Variants in ALMS1 observed in about 807,000 individuals in gnomAD.
ALMS1 encodes centrosome-associated protein ALMS1.
In ALMS1, 271 loss-of-function variants were observed where a neutral mutation model predicts 352.2. That is an observed-to-expected ratio of 0.77 (90% CI 0.70 to 0.85). The LOEUF (loss-of-function observed/expected upper bound fraction) is 0.85, where lower values mean the gene tolerates loss of function less well. Ranked by LOEUF, ALMS1 falls within the 40% of genes least tolerant of loss-of-function variation. The pLI is 0.00. For synonymous variants in ALMS1, 1,865 were observed against 1,761.2 expected, an observed-to-expected ratio of 1.06 and a Z score of -1.48; for missense variants, 5,445 against 4,870.7, an observed-to-expected ratio of 1.12 and a Z score of -3.51.
In ALMS1 at chr2:73,602,167, CTT is replaced by C. The variant is rs748193431; in HGVS notation, c.12115-9_12115-8del. 2.7e-6 allele frequency: 4 copies of C among 1,461,938 alleles called. No homozygotes were observed. Among genetic ancestry groups the C allele is most frequent in the Admixed American group, 1.8e-5 (1 of 55,714 alleles). 90.6% of individuals were successfully genotyped at this position (1,461,938 alleles called of 1,614,324 possible). On this transcript the variant is annotated splice_polypyrimidine_tract_variant and intron_variant, in intron 19 of 22. Transcript: ENST00000613296. ...ATTAATCTGAGGCTGGGCATTTTCT[CTT>C]TTTTTTTTCTTTTAGGAATCGCTTC... is the stretch of plus-strand genomic sequence containing the variant.
intron 7 of ALMS1, among the ~76,000 whole-genome samples, chr2:73,438,083 A>T (rs555945126): frequency 6.6e-6 from 1 of 152,206 alleles, no homozygotes; most frequent in African/African-American, 2.4e-5. Flanking sequence ...AGTATATGTG[A>T]CTAATAAACT....
chr2:73,468,238 T>C (rs1041946691), intron 9 of ALMS1, among the ~76,000 whole-genome samples: 2 of 151,910 alleles, frequency 1.3e-5, no homozygotes, highest in African/African-American at 2.4e-5. Flanking sequence ...TATTGGAGAA[T>C]AGTAAAATTT....
chr2:73,423,011 C>T (rs755817920), intron 4 of ALMS1, 37 bp downstream of exon 4: 5 of 1,530,310 alleles, frequency 3.3e-6, no homozygotes, highest in Non-Finnish European at 4.5e-6. Flanking sequence ...TTTCTCACTT[C>T]TTGTTCTATG....
chr2:73,556,251 T>C (rs943711563), intron 13 of ALMS1, among the ~76,000 whole-genome samples: 2 of 152,082 alleles, frequency 1.3e-5, no homozygotes, highest in Non-Finnish European at 2.9e-5. Flanking sequence ...ATTAGGAGGA[T>C]TGAAGTAATA....
upstream of ALMS1, chr2:73,385,788 A>G (rs1670501086): frequency 3.2e-6 from 2 of 619,806 alleles, no homozygotes; most frequent in South Asian, 1.8e-5. Context: ...AAGCTGGGCC[A>G]CAACCGCCAG....
At chr2:73,437,290 C>T (rs529931654) in intron 7 of ALMS1, among the ~76,000 whole-genome samples, 1 of 152,104 alleles carries the variant, frequency 6.6e-6, no homozygotes, top group Non-Finnish European at 1.5e-5. Flanking sequence ...AATAACACAC[C>T]CCTTCTCTAT....
chr2:73,497,333 G>A (rs1412231798), intron 10 of ALMS1, among the ~76,000 whole-genome samples: 2 of 151,730 alleles, frequency 1.3e-5, no homozygotes, highest in Admixed American at 6.6e-5. Flanking sequence ...TGGGATAAAG[G>A]TTGTTTTGGT....
At chr2:73,465,483 TAATTC>T (rs1313694851) in intron 9 of ALMS1, among the ~76,000 whole-genome samples, 1 of 152,132 alleles carries the variant, frequency 6.6e-6, no homozygotes, top group African/African-American at 2.4e-5. Flanking sequence ...ATACAAAAAT[TAATTC>T]AAGATGGATT....
At position 73,488,680 on chromosome 2, in the gene ALMS1, G is replaced by A. The variant is rs199916979; in HGVS notation, c.7675-954G>A. ...CAGCAGCCACTCCAGATGGGATGCC[G>A]CTGCCATCAAAAATATATCTACTCC... On this transcript the variant is annotated intron_variant, in intron 9 of 22. Transcript: ENST00000613296. Among the ~76,000 whole-genome samples, 159 of 152,292 alleles carry A rather than the reference G, an allele frequency of 1.0e-3. 1 individual carries two copies. The highest frequency in any genetic ancestry group is 1.7e-3 in the Non-Finnish European group (115 of 68,022).
At chr2:73,514,026 G>C (rs1217696017) in intron 10 of ALMS1, among the ~76,000 whole-genome samples, 1 of 152,060 alleles carries the variant, frequency 6.6e-6, no homozygotes, top group Non-Finnish European at 1.5e-5. Context: ...CACAGGAGAG[G>C]GGAAAGAGAA....
chr2:73,484,172 T>A (rs1228955334), intron 9 of ALMS1, among the ~76,000 whole-genome samples: 1 of 151,804 alleles, frequency 6.6e-6, no homozygotes, highest in South Asian at 2.1e-4. Context: ...CTAGTCTTGA[T>A]GGTCTTTACA....
intron 7 of ALMS1, among the ~76,000 whole-genome samples, chr2:73,442,946 A>C (rs975892995): frequency 2.6e-5 from 4 of 152,076 alleles, no homozygotes; most frequent in Admixed American, 6.5e-5. Context: ...TTCCTTCTCT[A>C]TTTCTTCTCA....
At chr2:73,590,359 C>T (rs1263825506) in intron 16 of ALMS1, among the ~76,000 whole-genome samples, 1 of 152,064 alleles carries the variant, frequency 6.6e-6, no homozygotes, top group Non-Finnish European at 1.5e-5. Flanking sequence ...GTTCCAAATA[C>T]CCATGGAATA....
chr2:73,600,776 A>G lies in ALMS1; in HGVS notation c.11767A>G (p.Ser3923Gly), dbSNP rs754540539. 2.5e-6 allele frequency: 4 copies of G among 1,614,230 alleles called. No individual in the cohort carries two copies. In the Admixed American group the frequency reaches 5.0e-5, roughly 20 times the overall value. ...CAGCGAGGCTAAATTGGAAGAGAAC[A>G]GTGATGTGACTTCTTGGTCAGAAGA... is the stretch of plus-strand genomic sequence containing the variant. ...SSSEAKLEENSDVTSWSEEKR... is the reference protein window; with the variant it reads ...SSSEAKLEENGDVTSWSEEKR... Residue 3923 changes from serine to glycine, a missense_variant, in exon 18 of 23, where the codon AGT becomes GGT. Physicochemically the swap from Ser to Gly is moderately conservative, Grantham distance 56. Transcript: ENST00000613296.
chr2:73,599,461 T>C lies in ALMS1; in HGVS notation c.11608T>C (p.Ser3870Pro). Residue 3870 changes from serine to proline, a missense_variant, in exon 17 of 23, where the codon TCA becomes CCA. Physicochemically the swap from Ser to Pro is moderately conservative, Grantham distance 74. Transcript: ENST00000613296. ...CTCTTCTGCCAGTAGTTTCCTGAGC[T>C]CAAACTCTACTTTTTGCAACAAGCA... ...ISSSASSFLS[S>P]NSTFCNKQNV... 2 of 1,613,640 alleles carry C rather than the reference T, an allele frequency of 1.2e-6. No individual in the cohort carries two copies. Among genetic ancestry groups the C allele is most frequent in the Admixed American group, 1.7e-5 (1 of 60,016 alleles).
rs1671869989 is a variant in ALMS1 at position 73,449,012 on chromosome 2, C to CG, written c.2485_2486insG (p.His829ArgfsTer17). On this transcript the variant is annotated frameshift_variant, in exon 8 of 23. Transcript: ENST00000613296. LOFTEE classifies it high-confidence loss of function. ...CTACCAACAGGCCTTGCTGGACAGC[C>CG]ATCTACCCGAAGAGGCTCTGAAAGT... 3 of 1,613,892 alleles carry CG rather than the reference C, an allele frequency of 1.9e-6. No individual in the cohort carries two copies. The South Asian group carries it at 3.3e-5, about 18-fold the overall frequency.
Position 73,503,108 on chromosome 2 carries a change from T to A in ALMS1, c.9539+11610T>A, listed in dbSNP as rs184812655. Among the ~76,000 whole-genome samples, 254 of 152,234 alleles carry A rather than the reference T, an allele frequency of 1.7e-3. 1 individual carries two copies. The highest frequency in any genetic ancestry group is 6.3e-3 in the Admixed American group (96 of 15,272). The stretch of plus-strand genomic sequence containing the variant: ...ATGTCTTTTTTTTTATTTTTATTTT[T>A]TTATAACACTTTAAGTTTTAGGGTA... On this transcript the variant is annotated intron_variant, in intron 10 of 22. Coordinates refer to ENST00000613296, the MANE Select transcript of ALMS1 (RefSeq NM_001378454.1).
Position 73,450,403 on chromosome 2 carries a change from G to C in ALMS1, c.3876G>C (p.Lys1292Asn). The change falls in exon 8 of 23, where the codon AAG (lysine) becomes AAC (asparagine). Residue 1292 changes from lysine (K) to asparagine (N), a missense_variant. Transcript: ENST00000613296. ...CTTCCTACTCACAATATAGAGAGAA[G>C]CCCAGCATTTTCTACCAACAGTCGT... is the stretch of plus-strand genomic sequence containing the variant. ...TSTSYSQYRE[K>N]PSIFYQQSLP... is the part of the protein sequence containing the mutation. 1 of 1,613,116 alleles carries C rather than the reference G, an allele frequency of 6.2e-7. No homozygotes were observed.
In ALMS1 at chr2:73,469,941, A is replaced by C. The variant is rs1234185987; in HGVS notation, c.7674+14646A>C. On this transcript the variant is annotated intron_variant, in intron 9 of 22. Coordinates refer to ENST00000613296, the MANE Select transcript of ALMS1 (RefSeq NM_001378454.1). Reference sequence around the variant, plus strand: ...TCAAGTAATGGATAACTCCTGTGCCATATAAACAGTTCCAATACACTAACA... The same window carrying C: ...TCAAGTAATGGATAACTCCTGTGCCCTATAAACAGTTCCAATACACTAACA... 3.3e-5 allele frequency: 5 copies of C among 152,064 alleles called. No homozygotes were observed. The East Asian group carries it at 9.6e-4, about 29-fold the overall frequency. The allele number at this position is 152,064 out of a possible 1,614,324, so 9.4% of individuals were successfully genotyped here. A position where few individuals can be genotyped will look rare whatever the true frequency, so the allele number is the denominator to read the frequency against.
Sources: gnomAD v4.1 joint callset for allele counts (sites outside exome capture counted in the v4.1 genomes callset) on GRCh38, gnomAD v4.1.1 for gene constraint, MANE v1.5 for transcripts, NCBI Gene and HGNC (gene_info 2026-07-23, HGNC 2026-07-21) for gene names.